Variants in NAA35 observed in about 807,000 individuals in gnomAD.
The protein encoded by NAA35 is N-alpha-acetyltransferase 35, NatC auxiliary subunit.
NAA35 carries 18 observed loss-of-function variants against 101.7 expected under a neutral mutation model. The observed-to-expected ratio is 0.18, with a 90% CI of 0.12 to 0.26. The LOEUF (loss-of-function observed/expected upper bound fraction) is 0.26. Among genes scored for constraint, NAA35 ranks in the 10% least tolerant of loss-of-function variants. The pLI, the probability that NAA35 is intolerant of heterozygous loss-of-function variation, is 1.00. For synonymous variants in NAA35, 267 were observed against 273.1 expected (o/e 0.98, Z 0.22); for missense variants, 601 against 886.8 (o/e 0.68, Z 4.09).
At chr9:85,960,568 G>A (rs1323284602) in intron 5 of NAA35, among the ~76,000 whole-genome samples, 1 of 152,116 alleles carries the variant, frequency 6.6e-6, no homozygotes, top group Non-Finnish European at 1.5e-5. Context: ...CTTACTGCCT[G>A]TGATTACATT....
intron 4 of NAA35, 53 bp downstream of exon 4, chr9:85,958,639 T>G (rs1402814056): frequency 8.8e-7 from 1 of 1,134,394 alleles, no homozygotes; most frequent in Admixed American, 2.0e-5. Flanking sequence ...TACTTCCTGT[T>G]AAAACATGGT....
At chr9:85,982,675 G>C (rs1294101810) in intron 11 of NAA35, among the ~76,000 whole-genome samples, 1 of 152,168 alleles carries the variant, frequency 6.6e-6, no homozygotes, top group Non-Finnish European at 1.5e-5. Context: ...ACAGTTTCAA[G>C]AGGACTTGTC....
chr9:85,959,400 A>C (rs1348985476), intron 4 of NAA35, among the ~76,000 whole-genome samples: 2 of 151,516 alleles, frequency 1.3e-5, no homozygotes, highest in East Asian at 1.9e-4. Flanking sequence ...CAAAAAAAAA[A>C]ACTTTAGTTT....
At chr9:85,953,564 T>C (rs1459557179) in intron 2 of NAA35, among the ~76,000 whole-genome samples, 1 of 152,130 alleles carries the variant, frequency 6.6e-6, no homozygotes, top group Non-Finnish European at 1.5e-5. Flanking sequence ...TAGCTGGGAC[T>C]ACAGGCACCC....
At chr9:86,021,088 A>G in intron 22 of NAA35, 119 bp downstream of exon 22, 1 of 695,584 alleles carries the variant, frequency 1.4e-6, no homozygotes, top group Non-Finnish European at 2.2e-6. Flanking sequence ...ATCATTCTAA[A>G]AATTTTAGTT....
At chr9:86,020,070 T>C (rs937576309) in intron 21 of NAA35, among the ~76,000 whole-genome samples, 1 of 152,162 alleles carries the variant, frequency 6.6e-6, no homozygotes, top group Non-Finnish European at 1.5e-5. Context: ...ATGCATAGTA[T>C]GGTGCAGTTT....
At chr9:85,998,713 T>C (rs2118285631) in intron 12 of NAA35, among the ~76,000 whole-genome samples, 1 of 152,242 alleles carries the variant, frequency 6.6e-6, no homozygotes, top group South Asian at 2.1e-4. Context: ...ACATGTAAGG[T>C]TAGTAGGAAA....
At chr9:85,974,495 A>G (rs1830130324) in intron 6 of NAA35, among the ~76,000 whole-genome samples, 1 of 152,180 alleles carries the variant, frequency 6.6e-6, no homozygotes, top group South Asian at 2.1e-4. Flanking sequence ...ATAGTGGAAC[A>G]TGGTTTTACT....
chr9:85,988,291 C>T (rs1830735818), intron 11 of NAA35, among the ~76,000 whole-genome samples: 1 of 152,134 alleles, frequency 6.6e-6, no homozygotes, highest in African/African-American at 2.4e-5. Flanking sequence ...TGCTCAGAAA[C>T]ACTTTTGTAC....
intron 13 of NAA35, among the ~76,000 whole-genome samples, chr9:86,004,731 T>G (rs1486410196): frequency 6.6e-6 from 1 of 152,276 alleles, no homozygotes; most frequent in East Asian, 1.9e-4. Flanking sequence ...AGGGGTATCA[T>G]TACAGACTCT....
At chr9:85,981,979 G>GTAGA (rs1456090230) in intron 11 of NAA35, among the ~76,000 whole-genome samples, 1 of 152,182 alleles carries the variant, frequency 6.6e-6, no homozygotes, top group Non-Finnish European at 1.5e-5. Flanking sequence ...TCATTGAAAG[G>GTAGA]TAGATATTCA....
intron 4 of NAA35, among the ~76,000 whole-genome samples, chr9:85,959,282 A>T (rs1232404549): frequency 1.3e-5 from 2 of 151,472 alleles, no homozygotes; most frequent in African/African-American, 4.9e-5. Context: ...AGGCTGAGGC[A>T]GGAGAATGGC....
At position 86,023,630 on chromosome 9, in the gene NAA35, G is replaced by T. The variant is rs550858095; in HGVS notation, c.*1670G>T. Among the ~76,000 whole-genome samples the T allele has an allele frequency of 1.4e-4, 22 of 152,228 alleles. No homozygotes were observed. Among genetic ancestry groups the T allele is most frequent in the African/African-American group, 5.3e-4 (22 of 41,536 alleles). On this transcript the variant is annotated 3_prime_UTR_variant, in exon 23 of 23. Transcript: ENST00000361671. ...GCAACAAGGGCCCTGCTAGATGATG[G>T]GATCACTTTTAATTAAGAGGGTGTG...
At chr9:86,014,245 T>C in intron 17 of NAA35, 1 of 324,234 alleles carries the variant, frequency 3.1e-6, no homozygotes, top group Non-Finnish European at 4.4e-6. Flanking sequence ...AACATCAAAT[T>C]GGAATGAGGT....
intron 12 of NAA35, among the ~76,000 whole-genome samples, chr9:85,999,070 C>A (rs1388071571): frequency 6.6e-6 from 1 of 152,184 alleles, no homozygotes; most frequent in African/African-American, 2.4e-5. Flanking sequence ...GTAAAACTTT[C>A]ACTGATTATG....
Position 85,962,061 on chromosome 9 carries a change from C to T in NAA35, c.397C>T (p.Leu133Phe). The change falls in exon 6 of 23, where the codon CTT becomes TTT. Residue 133 changes from leucine (L) to phenylalanine (F), a missense_variant. Transcript: ENST00000361671. The stretch of plus-strand genomic sequence containing the variant: ...ACTGGCACAGACAGTATTTACGTGC[C>T]TTTACATTCATAATCCAGACTTTAT... ...HSLAQTVFTC[L>F]YIHNPDFIED... is the part of the protein sequence containing the mutation. 9 of 1,613,870 alleles carry T rather than the reference C, an allele frequency of 5.6e-6. No homozygotes were observed. Among genetic ancestry groups the T allele is most frequent in the Non-Finnish European group, 7.6e-6 (9 of 1,179,946 alleles).
intron 18 of NAA35, 31 bp from the exon 19 acceptor site, chr9:86,017,467 T>C: frequency 6.2e-7 from 1 of 1,604,064 alleles, no homozygotes; most frequent in South Asian, 1.1e-5. Flanking sequence ...GAAAAGATTA[T>C]GGAAGATTAC....
chr9:85,954,237 T>C (rs1829143179), intron 2 of NAA35, among the ~76,000 whole-genome samples: 1 of 152,116 alleles, frequency 6.6e-6, no homozygotes, highest in Non-Finnish European at 1.5e-5. Context: ...TGCACCACCA[T>C]GCCTGGCTAA....
chr9:85,992,894 A>C (rs1830978645), intron 11 of NAA35, among the ~76,000 whole-genome samples: 1 of 152,238 alleles, frequency 6.6e-6, no homozygotes, highest in African/African-American at 2.4e-5. Flanking sequence ...CACTCTAAAC[A>C]TACTTGAGGG....
Sources: gnomAD v4.1 joint callset for allele counts (sites outside exome capture counted in the v4.1 genomes callset) on GRCh38, gnomAD v4.1.1 for gene constraint, MANE v1.5 for transcripts, NCBI Gene and HGNC (gene_info 2026-07-23, HGNC 2026-07-21) for gene names.